The following ACTR3C variants were observed in gnomAD, a reference collection of about 807,000 sequenced individuals.
ACTR3C encodes actin related protein 3C.
A neutral mutation model predicts 26.3 loss-of-function variants in ACTR3C; 18 were observed. The observed-to-expected ratio is 0.68, with a 90% confidence interval of 0.47 to 1.01. The LOEUF (loss-of-function observed/expected upper bound fraction) is 1.01. Among genes scored for constraint, ACTR3C ranks in the 50% least tolerant of loss-of-function variants. ACTR3C has a pLI of 0.00. For missense variants in ACTR3C, 184 were observed against 250.7 expected (o/e 0.73, Z 1.80); for synonymous variants, 55 against 94.5 (o/e 0.58, Z 2.42).
rs770655745 is a variant in ACTR3C, at chr7:150,286,414, C to T, written c.424G>A (p.Val142Ile). Residue 142 changes from valine (V) to isoleucine (I), a missense_variant, in exon 5 of 8, where the codon GTT (valine) becomes ATT (isoleucine). Physicochemically the swap from Val to Ile is conservative, Grantham distance 29. Coordinates refer to ENST00000683684, the MANE Select transcript of ACTR3C (RefSeq NM_001164458.2). ...AINQKKFVID[V>I]GYERFLGPEI... ...GGTCCCAGGAATCTTTCGTAACCAACGTCTATAACAAACTTCTTCTGGTTG... is the reference window on the plus strand; with the variant it reads ...GGTCCCAGGAATCTTTCGTAACCAATGTCTATAACAAACTTCTTCTGGTTG... 3.1e-6 allele frequency: 5 copies of T among 1,613,602 alleles called. No individual in the cohort carries two copies. The highest frequency in any genetic ancestry group is 1.3e-5 in the African/African-American group (1 of 74,746).
chr7:149,885,224 G>A, the ACTR3C span, among the ~76,000 whole-genome samples: 1 of 152,194 alleles, frequency 6.6e-6, no homozygotes, highest in African/African-American at 2.4e-5. Flanking sequence ...AACCCCTCAA[G>A]GGATTTCCAA....
At chr7:150,264,927 A>T in intron 6 of ACTR3C, 3 of 925,166 alleles carry the variant, frequency 3.2e-6, no homozygotes, top group Non-Finnish European at 3.9e-6. Context: ...ATACAATCAG[A>T]CTCACATTAA....
At chr7:150,169,068 T>C in the ACTR3C span, among the ~76,000 whole-genome samples, 12,685 of 150,280 alleles carry the variant, frequency 0.084, 2,637 homozygotes, top group African/African-American at 0.3. Context: ...GCTCCCATGA[T>C]GGGATTAGTG....
At chr7:150,150,037 T>C in the ACTR3C span, among the ~76,000 whole-genome samples, 6 of 152,246 alleles carry the variant, frequency 3.9e-5, no homozygotes, top group African/African-American at 1.4e-4. Context: ...CCAACTCTTC[T>C]TTCTTGCCCT....
chr7:149,963,334 G>C, the ACTR3C span, among the ~76,000 whole-genome samples: 2 of 152,072 alleles, frequency 1.3e-5, no homozygotes, highest in African/African-American at 4.8e-5. Flanking sequence ...CATTTTTCTC[G>C]GTTTATCTAC....
At chr7:150,222,825 G>A in the ACTR3C span, among the ~76,000 whole-genome samples, 61 of 152,298 alleles carry the variant, frequency 4.0e-4, 2 homozygotes, top group Middle Eastern at 0.01. Context: ...TGACTTTGAC[G>A]TAATCAGTTA....
chr7:150,181,194 A>G, the ACTR3C span, among the ~76,000 whole-genome samples: 1 of 150,912 alleles, frequency 6.6e-6, no homozygotes, highest in Admixed American at 6.6e-5. Flanking sequence ...TGTCCTAGCA[A>G]ATATATCCAG....
At chr7:150,286,310 T>A in intron 5 of ACTR3C, 57 bp downstream of exon 5, 1 of 1,572,236 alleles carries the variant, frequency 6.4e-7, no homozygotes, top group Non-Finnish European at 8.6e-7. Context: ...TTCTACACTC[T>A]GGGTGGCAGT....
the ACTR3C span, among the ~76,000 whole-genome samples, chr7:149,923,762 C>T: frequency 6.6e-6 from 1 of 152,018 alleles, no homozygotes; most frequent in Non-Finnish European, 1.5e-5. Context: ...CTTTAGGAGG[C>T]AGGGGCGGGT....
chr7:150,128,568 T>C, the ACTR3C span, among the ~76,000 whole-genome samples: 3 of 151,286 alleles, frequency 2.0e-5, no homozygotes, highest in Non-Finnish European at 1.5e-5. Context: ...CCCAGAATGG[T>C]GGTCCCAGCC....
intron 6 of ACTR3C, among the ~76,000 whole-genome samples, chr7:150,264,005 C>G (rs373848818): frequency 1.3e-5 from 2 of 152,210 alleles, no homozygotes; most frequent in East Asian, 3.8e-4. Context: ...GGGCCCTGGC[C>G]GATGGCAGAT....
At chr7:150,134,623 A>T in the ACTR3C span, among the ~76,000 whole-genome samples, 2 of 152,286 alleles carry the variant, frequency 1.3e-5, no homozygotes. Flanking sequence ...AATGTGAAAG[A>T]TTCTCCAACA....
At chr7:150,190,572 C>T in the ACTR3C span, among the ~76,000 whole-genome samples, 11 of 152,150 alleles carry the variant, frequency 7.2e-5, no homozygotes, top group Admixed American at 3.3e-4. Context: ...ACGCATGTCC[C>T]GTCTTCCCAG....
chr7:150,040,961 C>T, the ACTR3C span, among the ~76,000 whole-genome samples: 4 of 150,282 alleles, frequency 2.7e-5, no homozygotes, highest in African/African-American at 1.0e-4. Flanking sequence ...CCAAAGCCCT[C>T]AAATAGGGAG....
At chr7:150,152,351 C>T in the ACTR3C span, among the ~76,000 whole-genome samples, 3 of 151,916 alleles carry the variant, frequency 2.0e-5, no homozygotes, top group African/African-American at 4.8e-5. Flanking sequence ...TAGCATGAAG[C>T]GTTGTTGAAT....
intron 6 of ACTR3C, among the ~76,000 whole-genome samples, chr7:150,267,137 G>A (rs1225544302): frequency 3.9e-5 from 6 of 152,098 alleles, no homozygotes; most frequent in African/African-American, 4.8e-5. Flanking sequence ...TCGCTGAGGC[G>A]CTCCCAGCAG....
At chr7:150,033,794 C>T in the ACTR3C span, among the ~76,000 whole-genome samples, 2 of 151,634 alleles carry the variant, frequency 1.3e-5, no homozygotes, top group African/African-American at 4.8e-5. Flanking sequence ...GTCCTCAGAG[C>T]CAGGGGGGGA....
chr7:150,177,931 T>A, the ACTR3C span, among the ~76,000 whole-genome samples: 1 of 150,856 alleles, frequency 6.6e-6, no homozygotes, highest in African/African-American at 2.5e-5. Context: ...GTAGGTAGCT[T>A]TATTATCCGT....
chr7:149,976,651 T>C, the ACTR3C span, among the ~76,000 whole-genome samples: 1 of 148,646 alleles, frequency 6.7e-6, no homozygotes, highest in African/African-American at 2.5e-5. Context: ...CAGTCAAGTA[T>C]AGTGAATGAT....
Sources: gnomAD v4.1 joint callset for allele counts (sites outside exome capture counted in the v4.1 genomes callset) on GRCh38, gnomAD v4.1.1 for gene constraint, MANE v1.5 for transcripts, NCBI Gene and HGNC (gene_info 2026-07-23, HGNC 2026-07-21) for gene names.